Variants in ZNF614 observed in about 807,000 individuals in gnomAD.
ZNF614 encodes the protein zinc finger protein 614.
ZNF614 carries 11 observed loss-of-function variants against 12.8 expected under a neutral mutation model. The ratio of observed to expected loss-of-function variants is 0.86; its 90% CI spans 0.54 to 1.43. The LOEUF is 1.43. ZNF614 is among the 40% of genes most tolerant of loss of function. ZNF614 has a pLI of 0.00. For synonymous variants in ZNF614, 237 were observed against 237.5 expected, an observed-to-expected ratio of 1.00 and a Z score of 0.02; for missense variants, 664 against 708.8, an observed-to-expected ratio of 0.94 and a Z score of 0.72.
chr19:52,019,935 G>A (rs190422327), intron 2 of ZNF614, among the ~76,000 whole-genome samples: 3 of 152,328 alleles, frequency 2.0e-5, no homozygotes, highest in East Asian at 1.9e-4. Flanking sequence ...ATGAGAGTGC[G>A]CAAGTGCTCA....
chr19:52,022,796 A>G (rs1046372509), intron 2 of ZNF614, among the ~76,000 whole-genome samples: 5 of 152,138 alleles, frequency 3.3e-5, no homozygotes, highest in African/African-American at 1.2e-4. Flanking sequence ...TAACTGAGGA[A>G]CAGCCAGACT....
At position 52,016,702 on chromosome 19, in the gene ZNF614, T is replaced by G; in HGVS notation, c.896A>C (p.Lys299Thr). ...CSECGKGFTM[K>T]RYLIAHQRTH... ...TCGCTGATGAGCAATTAGATAGCGC[T>G]TCATTGTAAAGCCCTTTCCACACTC... The change falls in exon 5 of 5, where the codon AAG becomes ACG. Residue 299 changes from lysine to threonine, a missense_variant. Coordinates refer to ENST00000270649, the MANE Select transcript of ZNF614 (RefSeq NM_025040.4). The G allele has an allele frequency of 6.2e-7, 1 of 1,614,200 alleles. No homozygotes were observed. The highest frequency in any genetic ancestry group is 8.5e-7 in the Non-Finnish European group (1 of 1,180,042).
At position 52,017,347 on chromosome 19, in the gene ZNF614, A is replaced by G. The variant is rs1435122955; in HGVS notation, c.251T>C (p.Val84Ala). 3 of 1,594,276 alleles carry G rather than the reference A, an allele frequency of 1.9e-6. No individual in the cohort carries two copies. The highest frequency in any genetic ancestry group is 2.7e-5 in the African/African-American group (2 of 73,944). Residue 84 changes from valine (V) to alanine (A), a missense_variant, in exon 5 of 5, where the codon GTT becomes GCT. Val to Ala is a moderately conservative substitution (Grantham distance 64). Transcript: ENST00000270649. ...AGAGTGCTCTTGCAGATGACTGTCA[A>G]CTTTCCCGATTCCTAAGAAAGAACA... ...QNKNCPGIGK[V>A]DSHLQEHSPN... is the part of the protein sequence containing the mutation.
Position 52,016,343 on chromosome 19 carries a change from G to T in ZNF614, c.1255C>A (p.Arg419=). ...TAAGATTTCTCTCCTGTATGAGTTC[G>T]CTGATGTATAACGAGAGTGCGTTTG... The part of the protein sequence containing the change: ...TVKRTLVIHQ[R]THTGEKSYIC... Residue 419 remains arginine (R), a synonymous_variant, in exon 5 of 5, where the codon CGA becomes AGA. Coordinates refer to ENST00000270649, the MANE Select transcript of ZNF614 (RefSeq NM_025040.4). 6.2e-7 allele frequency: 1 copy of T among 1,610,598 alleles called. No individual in the cohort carries two copies. Among genetic ancestry groups the T allele is most frequent in the South Asian group, 1.1e-5 (1 of 90,686 alleles).
chr19:52,025,060 G>C (rs1258446268), intron 2 of ZNF614, among the ~76,000 whole-genome samples: 2 of 152,188 alleles, frequency 1.3e-5, no homozygotes, highest in Non-Finnish European at 2.9e-5. Flanking sequence ...AGTGAGCCAA[G>C]ACTGCGCCAC....
chr19:52,025,990 A>C (rs1208663840), intron 1 of ZNF614, 29 bp from the exon 2 acceptor site: 2 of 498,106 alleles, frequency 4.0e-6, no homozygotes, highest in Non-Finnish European at 7.2e-6. Context: ...TTCAGTGTAC[A>C]TTAACCCTGG....
intron 2 of ZNF614, among the ~76,000 whole-genome samples, chr19:52,020,648 T>A (rs1413228153): frequency 2.6e-5 from 4 of 152,212 alleles, no homozygotes; most frequent in Non-Finnish European, 4.4e-5. Context: ...CCTTCCTGAC[T>A]GGTATTACAT....
Position 52,025,806 on chromosome 19 carries a change from T to C in ZNF614, c.-61A>G, listed in dbSNP as rs7343151. The C allele has an allele frequency of 1.5e-3, 2,414 of 1,583,058 alleles. 32 individuals carry two copies. Among genetic ancestry groups the C allele is most frequent in the African/African-American group, 6.3e-3 (464 of 73,624 alleles). On this transcript the variant is annotated 5_prime_UTR_variant, in exon 2 of 5. It removes an upstream start codon present in the reference 5' UTR. Transcript: ENST00000270649. ...ACTATACGTCTTTGTCTCTTCTGCA[T>C]TTGCCATGAAGTTTTTGAAGTTTTC... is the stretch of plus-strand genomic sequence containing the variant.
At chr19:52,022,140 G>A (rs2086936315) in intron 2 of ZNF614, among the ~76,000 whole-genome samples, 1 of 152,172 alleles carries the variant, frequency 6.6e-6, no homozygotes, top group Non-Finnish European at 1.5e-5. Context: ...ATGTTTTTGT[G>A]CAGTGTTTTC....
intron 1 of ZNF614, among the ~76,000 whole-genome samples, 166 bp downstream of exon 1, chr19:52,028,076 T>G (rs563991457): frequency 6.6e-6 from 1 of 152,188 alleles, no homozygotes; most frequent in Non-Finnish European, 1.5e-5. Context: ...AGAGTCGGAC[T>G]CGTCGCTGAT....
chr19:52,027,216 G>A (rs2086981145), intron 1 of ZNF614, among the ~76,000 whole-genome samples: 1 of 152,236 alleles, frequency 6.6e-6, no homozygotes, highest in South Asian at 2.1e-4. Flanking sequence ...ACACATGGAA[G>A]GCTCCAAGAA....
At position 52,014,205 on chromosome 19, in the gene ZNF614, C is replaced by A. The variant is rs779239327; in HGVS notation, c.*1635G>T. The A allele has an allele frequency of 6.6e-6, 1 of 152,146 alleles. No homozygotes were observed. The highest frequency in any genetic ancestry group is 2.4e-5 in the African/African-American group (1 of 41,430). 9.4% of individuals were successfully genotyped at this position (152,146 alleles called of 1,614,324 possible). On this transcript the variant is annotated 3_prime_UTR_variant, in exon 5 of 5. Coordinates refer to ENST00000270649, the MANE Select transcript of ZNF614 (RefSeq NM_025040.4). The stretch of plus-strand genomic sequence containing the variant: ...GAGTATTTTCTGACACAAATAAATT[C>A]TCTAATTCTCCCACACCAATTGGGT...
At position 52,016,636 on chromosome 19, in the gene ZNF614, C is replaced by G. The variant is rs1163192808; in HGVS notation, c.962G>C (p.Gly321Ala). The G allele has an allele frequency of 6.2e-7, 1 of 1,614,196 alleles. No individual in the cohort carries two copies. Among genetic ancestry groups the G allele is most frequent in the Non-Finnish European group, 8.5e-7 (1 of 1,180,044 alleles). ...GEKPYVCKECGKGFTVKSNLI... is the reference protein window; with the variant it reads ...GEKPYVCKECAKGFTVKSNLI... Reference sequence around the variant, plus strand: ...ATTGCTCTTCACAGTGAAACCTTTTCCACATTCTTTGCACACATAAGGTTT... The same window carrying G: ...ATTGCTCTTCACAGTGAAACCTTTTGCACATTCTTTGCACACATAAGGTTT... Residue 321 changes from glycine (G) to alanine (A), a missense_variant, in exon 5 of 5, where the codon GGA becomes GCA. Coordinates refer to ENST00000270649, the MANE Select transcript of ZNF614 (RefSeq NM_025040.4).
intron 2 of ZNF614, among the ~76,000 whole-genome samples, chr19:52,019,285 G>C (rs2086920132): frequency 6.6e-6 from 1 of 152,020 alleles, no homozygotes; most frequent in Non-Finnish European, 1.5e-5. Context: ...GCAGTACAGA[G>C]AAAAAAGATA....
Position 52,017,177 on chromosome 19 carries a change from A to T in ZNF614, c.421T>A (p.Leu141Ile). Residue 141 changes from leucine to isoleucine, a missense_variant, in exon 5 of 5, where the codon TTA becomes ATA. Leu to Ile is a conservative substitution (Grantham distance 5). Transcript: ENST00000270649. ...CTTCTCTTCTGGTTGATTAAACTTA[A>T]ACTTGATTTCAAATTTTTTCTGTAC... ...DLYRKNLKSS[L>I]SLINQKRRHG... 1 of 1,614,164 alleles carries T rather than the reference A, an allele frequency of 6.2e-7. No homozygotes were observed. Among genetic ancestry groups the T allele is most frequent in the Non-Finnish European group, 8.5e-7 (1 of 1,180,026 alleles).
intron 2 of ZNF614, among the ~76,000 whole-genome samples, chr19:52,023,716 C>T (rs1358809659): frequency 6.6e-6 from 1 of 152,208 alleles, no homozygotes; most frequent in Non-Finnish European, 1.5e-5. Context: ...TTATCCGTGT[C>T]ACTTTCTATA....
intron 2 of ZNF614, among the ~76,000 whole-genome samples, chr19:52,024,309 C>G (rs1195879772): frequency 6.6e-6 from 1 of 152,152 alleles, no homozygotes; most frequent in East Asian, 1.9e-4. Context: ...TGTGAGTAAC[C>G]TGGGGACCCA....
Position 52,014,074 on chromosome 19 carries a change from AT to A in ZNF614, c.*1765del, listed in dbSNP as rs1203581986. On this transcript the variant is annotated 3_prime_UTR_variant, in exon 5 of 5. Coordinates refer to ENST00000270649, the MANE Select transcript of ZNF614 (RefSeq NM_025040.4). ...GCAAGTCCAAATATGTTGTTAATAT[AT>A]TTAACATATTCAGTTTCTTTTCTAC... 1 of 152,236 alleles carries A rather than the reference AT, an allele frequency of 6.6e-6. No homozygotes were observed. The highest frequency in any genetic ancestry group is 1.5e-5 in the Non-Finnish European group (1 of 68,048). The allele number at this position is 152,236 out of a possible 1,614,324, so 9.4% of individuals were successfully genotyped here. A position where few individuals can be genotyped will look rare whatever the true frequency, so the allele number is the denominator to read the frequency against.
chr19:52,027,523 C>T (rs2086983094), intron 1 of ZNF614, among the ~76,000 whole-genome samples: 1 of 152,120 alleles, frequency 6.6e-6, no homozygotes, highest in South Asian at 2.1e-4. Flanking sequence ...CTGTGGGAGA[C>T]CTTGGACCAC....
Sources: allele counts gnomAD v4.1 joint callset (sites outside exome capture counted in the v4.1 genomes callset), GRCh38; gene constraint gnomAD v4.1.1; transcripts MANE v1.5; gene names NCBI Gene and HGNC (gene_info 2026-07-23, HGNC 2026-07-21).